Variants in BARX2 observed in about 807,000 individuals in gnomAD.
BARX2 encodes the protein homeobox protein BarH-like 2.
In BARX2, 11 loss-of-function variants were observed where a neutral mutation model predicts 25.5. The ratio of observed to expected loss-of-function variants is 0.43; its 90% CI spans 0.27 to 0.71. The LOEUF is 0.71. BARX2 is among the 30% of genes least tolerant of loss of function. BARX2 has a pLI of 0.19. For missense variants in BARX2, 360 were observed against 359.9 expected (o/e 1.00, Z 0.00); for synonymous variants, 137 against 149.5 (o/e 0.92, Z 0.61).
intron 1 of BARX2, among the ~76,000 whole-genome samples, chr11:129,394,386 G>T (rs1861696809): frequency 6.6e-6 from 1 of 152,166 alleles, no homozygotes. Context: ...AAGTGAAATA[G>T]TTTTTCTATG....
At chr11:129,420,133 C>T (rs1444491682) in intron 1 of BARX2, among the ~76,000 whole-genome samples, 1 of 152,048 alleles carries the variant, frequency 6.6e-6, no homozygotes, top group Non-Finnish European at 1.5e-5. Context: ...TGTTGTGGGC[C>T]TTTGGGTTGT....
At chr11:129,409,262 T>G (rs1227863984) in intron 1 of BARX2, among the ~76,000 whole-genome samples, 1 of 152,206 alleles carries the variant, frequency 6.6e-6, no homozygotes, top group Non-Finnish European at 1.5e-5. Flanking sequence ...TGCCTTGTGT[T>G]TAAGGATGTG....
At chr11:129,442,208 C>A (rs946006733) in intron 2 of BARX2, among the ~76,000 whole-genome samples, 1 of 152,166 alleles carries the variant, frequency 6.6e-6, no homozygotes, top group Non-Finnish European at 1.5e-5. Context: ...CTGGATTTAG[C>A]AGTGTGATGG....
At chr11:129,395,857 G>A (rs1475249046) in intron 1 of BARX2, among the ~76,000 whole-genome samples, 1 of 152,174 alleles carries the variant, frequency 6.6e-6, no homozygotes, top group African/African-American at 2.4e-5. Flanking sequence ...TGCTCATGGT[G>A]AAATGGGTAT....
intron 2 of BARX2, among the ~76,000 whole-genome samples, chr11:129,439,483 T>C (rs1298201565): frequency 2.0e-5 from 3 of 151,792 alleles, no homozygotes; most frequent in African/African-American, 4.8e-5. Flanking sequence ...CCTGTGTCCA[T>C]GTGTGAGAAG....
chr11:129,446,125 C>T (rs952766041), intron 3 of BARX2, among the ~76,000 whole-genome samples: 10 of 152,220 alleles, frequency 6.6e-5, no homozygotes, highest in Non-Finnish European at 1.0e-4. Flanking sequence ...AGATGGGATG[C>T]GCACCCTCTA....
intron 1 of BARX2, among the ~76,000 whole-genome samples, chr11:129,420,506 G>C (rs1263909042): frequency 6.6e-6 from 1 of 152,144 alleles, no homozygotes; most frequent in African/African-American, 2.4e-5. Context: ...TCAAAGACTG[G>C]ATTAGAAAAA....
intron 1 of BARX2, among the ~76,000 whole-genome samples, chr11:129,407,093 A>G (rs1861838249): frequency 6.6e-6 from 1 of 152,184 alleles, no homozygotes. Context: ...CAGCTTGCGA[A>G]TGGGACCTCA....
chr11:129,422,121 C>T (rs1408438805), intron 1 of BARX2, among the ~76,000 whole-genome samples: 1 of 152,064 alleles, frequency 6.6e-6, no homozygotes, highest in Non-Finnish European at 1.5e-5. Context: ...TTCAAATGAT[C>T]TCCTGCCTCA....
chr11:129,379,627 C>T (rs1861540474), intron 1 of BARX2, among the ~76,000 whole-genome samples: 1 of 152,012 alleles, frequency 6.6e-6, no homozygotes, highest in African/African-American at 2.4e-5. Flanking sequence ...TTTTTGAAGC[C>T]TCTGCCTTTC....
At chr11:129,377,296 G>A (rs969025450) in intron 1 of BARX2, among the ~76,000 whole-genome samples, 2 of 152,224 alleles carry the variant, frequency 1.3e-5, no homozygotes, top group African/African-American at 4.8e-5. Flanking sequence ...AATGCTCAAT[G>A]CGTGGAATCC....
At chr11:129,395,176 A>T (rs1240359900) in intron 1 of BARX2, among the ~76,000 whole-genome samples, 1 of 152,146 alleles carries the variant, frequency 6.6e-6, no homozygotes, top group African/African-American at 2.4e-5. Context: ...CACTAATCAA[A>T]TCCATAATGA....
chr11:129,406,400 C>T lies in BARX2; in HGVS notation c.187+30178C>T, dbSNP rs116029185. Among the ~76,000 whole-genome samples the T allele has an allele frequency of 6.9e-3, 1,051 of 152,372 alleles. 13 individuals are homozygous for T. Among genetic ancestry groups the T allele is most frequent in the African/African-American group, 0.024 (1,008 of 41,586 alleles). On this transcript the variant is annotated intron_variant, in intron 1 of 3. Coordinates refer to ENST00000281437, the MANE Select transcript of BARX2 (RefSeq NM_003658.5). ...TAAACACAAATTCAGGTCTACCCGA[C>T]ACCAGAGTGCACACTCATATTCCCG... is the stretch of plus-strand genomic sequence containing the variant.
At chr11:129,415,641 CT>C (rs1432724141) in intron 1 of BARX2, among the ~76,000 whole-genome samples, 2 of 152,176 alleles carry the variant, frequency 1.3e-5, no homozygotes, top group African/African-American at 4.8e-5. Flanking sequence ...TCTTGGGCCC[CT>C]TCTTAAGACT....
intron 3 of BARX2, among the ~76,000 whole-genome samples, chr11:129,447,112 C>T (rs1267639079): frequency 6.6e-6 from 1 of 152,104 alleles, no homozygotes; most frequent in African/African-American, 2.4e-5. Flanking sequence ...TGTTCAAATC[C>T]CAGCTCTGCC....
intron 1 of BARX2, among the ~76,000 whole-genome samples, chr11:129,388,383 G>A (rs938990018): frequency 2.0e-5 from 3 of 152,088 alleles, no homozygotes; most frequent in African/African-American, 2.4e-5. Flanking sequence ...ACTGCCCTGG[G>A]GTCTGTGTCC....
intron 1 of BARX2, among the ~76,000 whole-genome samples, chr11:129,380,584 C>T (rs562855535): frequency 3.7e-4 from 57 of 152,174 alleles, no homozygotes; most frequent in African/African-American, 1.1e-3. Context: ...GAAAAATGAT[C>T]GTTATCAACA....
chr11:129,432,159 T>G (rs529902753), intron 1 of BARX2, among the ~76,000 whole-genome samples: 1 of 152,172 alleles, frequency 6.6e-6, no homozygotes, highest in South Asian at 2.1e-4. Context: ...GCCTCCCGGG[T>G]TCAAGGGATT....
chr11:129,447,964 A>G (rs1862351082), intron 3 of BARX2, among the ~76,000 whole-genome samples: 1 of 152,234 alleles, frequency 6.6e-6, no homozygotes, highest in South Asian at 2.1e-4. Context: ...GTGAAAAGAA[A>G]TACAGGGAAC....
Sources: allele counts gnomAD v4.1 joint callset (sites outside exome capture counted in the v4.1 genomes callset), GRCh38; gene constraint gnomAD v4.1.1; transcripts MANE v1.5; gene names NCBI Gene and HGNC (gene_info 2026-07-23, HGNC 2026-07-21).